Variants in TMEM9 observed in about 807,000 individuals in gnomAD.
TMEM9 encodes transmembrane protein 9.
Under a neutral mutation model 22.8 loss-of-function variants are expected in TMEM9, and 13 were observed. The ratio of observed to expected loss-of-function variants is 0.57; its 90% confidence interval spans 0.37 to 0.91. The LOEUF is 0.91. Among genes scored for constraint, TMEM9 ranks in the 40% least tolerant of loss-of-function variants. The pLI, the probability that TMEM9 is intolerant of heterozygous loss-of-function variation, is 0.01. For missense variants in TMEM9, 182 were observed against 238.1 expected, an observed-to-expected ratio of 0.76 and a Z score of 1.55; for synonymous variants, 88 against 93.0, an observed-to-expected ratio of 0.95 and a Z score of 0.31.
At chr1:201,141,711 G>GT (rs968710874) in intron 4 of TMEM9, among the ~76,000 whole-genome samples, 1 of 152,052 alleles carries the variant, frequency 6.6e-6, no homozygotes, top group Non-Finnish European at 1.5e-5. Context: ...CTCCCAGGCA[G>GT]TCCTGCCACA....
chr1:201,147,119 T>C (rs1020764931), intron 2 of TMEM9, among the ~76,000 whole-genome samples: 2 of 152,148 alleles, frequency 1.3e-5, no homozygotes, highest in African/African-American at 2.4e-5. Flanking sequence ...CCCAGGGTTC[T>C]ACCCCCAGCC....
At chr1:201,140,245 C>T (rs1664402786) in intron 4 of TMEM9, among the ~76,000 whole-genome samples, 1 of 152,358 alleles carries the variant, frequency 6.6e-6, no homozygotes, top group South Asian at 2.1e-4. Flanking sequence ...CTTTGAAGAC[C>T]TCTCCAGAGC....
chr1:201,135,864 G>A (rs1394683261), intron 4 of TMEM9, 49 bp from the exon 5 acceptor site: 3 of 1,502,308 alleles, frequency 2.0e-6, no homozygotes, highest in East Asian at 2.5e-5. Context: ...AAGCCAGAAG[G>A]GTCTTGGATC....
At position 201,135,536 on chromosome 1, in the gene TMEM9, G is replaced by A; in HGVS notation, c.*127C>T. The A allele has an allele frequency of 2.9e-6, 3 of 1,036,748 alleles. No individual in the cohort carries two copies. Among genetic ancestry groups the A allele is most frequent in the Non-Finnish European group, 4.0e-6 (3 of 743,150 alleles). 64.2% of individuals were successfully genotyped at this position (1,036,748 alleles called of 1,614,324 possible). On this transcript the variant is annotated 3_prime_UTR_variant, in exon 5 of 5. Transcript: ENST00000367330. ...CATTTCTAAAGTTAGGGAGAAGGAG[G>A]AAAAATGCCACAGGCTTTTAAAGGG...
At chr1:201,161,419 C>G (rs1224575863) in intron 1 of TMEM9, among the ~76,000 whole-genome samples, 1 of 152,166 alleles carries the variant, frequency 6.6e-6, no homozygotes, top group Admixed American at 6.5e-5. Context: ...CCTAAGTTTC[C>G]TACCAGATCT....
upstream of TMEM9, among the ~76,000 whole-genome samples, chr1:201,156,250 T>G (rs1164205445): frequency 6.6e-6 from 1 of 152,184 alleles, no homozygotes; most frequent in African/African-American, 2.4e-5. Context: ...GACTCCTCTC[T>G]CATATTTCCA....
chr1:201,150,503 C>T (rs915316945), intron 2 of TMEM9, among the ~76,000 whole-genome samples: 2 of 152,202 alleles, frequency 1.3e-5, no homozygotes, highest in Non-Finnish European at 2.9e-5. Flanking sequence ...AAAATACTGC[C>T]ACTATTTATA....
intron 1 of TMEM9, 103 bp from the exon 2 acceptor site, chr1:201,151,955 G>A (rs55780941): frequency 4.9e-5 from 41 of 840,526 alleles, no homozygotes; most frequent in Non-Finnish European, 7.4e-5. Flanking sequence ...ATCCTGTTAG[G>A]TGAACCATAT....
Position 201,153,990 on chromosome 1 carries a change from G to A in TMEM9, c.-67C>T. 2.6e-6 allele frequency: 4 copies of A among 1,545,898 alleles called. No individual in the cohort carries two copies. The highest frequency in any genetic ancestry group is 1.7e-6 in the Non-Finnish European group (2 of 1,144,708). On this transcript the variant is annotated 5_prime_UTR_variant, in exon 1 of 5. Coordinates refer to ENST00000367330, the MANE Select transcript of TMEM9 (RefSeq NM_001288565.2). Reference sequence around the variant, plus strand: ...AAAAGAGATACGGAGTCGGAGAAGGGGAAGGTGGCCACACCGCAGCCAGCA... The same window carrying A: ...AAAAGAGATACGGAGTCGGAGAAGGAGAAGGTGGCCACACCGCAGCCAGCA...
chr1:201,151,364 A>G (rs1665412055), intron 2 of TMEM9, among the ~76,000 whole-genome samples: 1 of 152,184 alleles, frequency 6.6e-6, no homozygotes, highest in Admixed American at 6.5e-5. Context: ...CATCCCACCT[A>G]CTTTACAAGG....
At chr1:201,169,445 C>G (rs1167187972) in intron 1 of TMEM9, among the ~76,000 whole-genome samples, 1 of 152,204 alleles carries the variant, frequency 6.6e-6, no homozygotes, top group Non-Finnish European at 1.5e-5. Flanking sequence ...GCTGGGTGCT[C>G]TGTTCCATGT....
upstream of TMEM9, among the ~76,000 whole-genome samples, chr1:201,158,387 G>A (rs1572137151): frequency 6.8e-6 from 1 of 147,636 alleles, no homozygotes; most frequent in African/African-American, 2.5e-5. Flanking sequence ...GGCAAAATTT[G>A]AGGCACAATT....
At chr1:201,150,215 G>A (rs1240175869) in intron 2 of TMEM9, among the ~76,000 whole-genome samples, 1 of 152,190 alleles carries the variant, frequency 6.6e-6, no homozygotes, top group Non-Finnish European at 1.5e-5. Flanking sequence ...TTTTACTGAT[G>A]CTATTTGAAC....
intron 1 of TMEM9, among the ~76,000 whole-genome samples, chr1:201,152,729 T>C (rs1322179599): frequency 6.6e-6 from 1 of 152,220 alleles, no homozygotes; most frequent in Admixed American, 6.5e-5. Flanking sequence ...AAATTCGAAA[T>C]GCTCCCAATC....
intron 1 of TMEM9, among the ~76,000 whole-genome samples, chr1:201,163,242 A>C (rs932974351): frequency 1.3e-5 from 2 of 152,132 alleles, no homozygotes; most frequent in African/African-American, 4.8e-5. Context: ...AACCATGGTC[A>C]TGCCACTGTA....
At chr1:201,169,009 C>T (rs1271083004) in intron 1 of TMEM9, among the ~76,000 whole-genome samples, 3 of 141,684 alleles carry the variant, frequency 2.1e-5, no homozygotes, top group Non-Finnish European at 4.5e-5. Flanking sequence ...CACTACGTTG[C>T]CCGAGCTGGT....
At chr1:201,165,002 C>T (rs1249426239) in intron 1 of TMEM9, among the ~76,000 whole-genome samples, 1 of 151,434 alleles carries the variant, frequency 6.6e-6, no homozygotes, top group Admixed American at 6.6e-5. Flanking sequence ...CAATTGGATG[C>T]TAAGCAGGGA....
rs970239015 is a variant in TMEM9 at position 201,135,819 on chromosome 1, T to C, written c.400-4A>G. 2.5e-6 allele frequency: 4 copies of C among 1,589,638 alleles called. No individual in the cohort carries two copies. The highest frequency in any genetic ancestry group is 2.3e-5 in the South Asian group (2 of 87,536). On this transcript the variant is annotated splice_region_variant and splice_polypyrimidine_tract_variant and intron_variant, in intron 4 of 4. Transcript: ENST00000367330. ...CTGCTGCCATAGAGCGAGCATCCTG[T>C]AGTGGGAAGAAAAAAAGAGAAGATC...
At chr1:201,156,918 C>G (rs1407447340), upstream of TMEM9, among the ~76,000 whole-genome samples, 1 of 152,200 alleles carries the variant, frequency 6.6e-6, no homozygotes, top group Non-Finnish European at 1.5e-5. Flanking sequence ...AGACCAATCA[C>G]ATGGTCAGAA....
Sources: allele counts gnomAD v4.1 joint callset (sites outside exome capture counted in the v4.1 genomes callset), GRCh38; gene constraint gnomAD v4.1.1; transcripts MANE v1.5; gene names NCBI Gene and HGNC (gene_info 2026-07-23, HGNC 2026-07-21).